The following ATPAF1 variants were observed in gnomAD, a reference collection of about 807,000 sequenced individuals.
ATPAF1 encodes ATP synthase mitochondrial F1 complex assembly factor 1, also known as homolog of yeast ATP11.
ATPAF1 carries 26 observed loss-of-function variants against 43.9 expected under a neutral mutation model. The ratio of observed to expected loss-of-function variants is 0.59; its 90% CI spans 0.43 to 0.82. The LOEUF (loss-of-function observed/expected upper bound fraction) is 0.82. ATPAF1 is among the 40% of genes least tolerant of loss of function. ATPAF1 has a pLI of 0.00. For synonymous variants in ATPAF1, 157 were observed against 168.0 expected, an observed-to-expected ratio of 0.93 and a Z score of 0.50; for missense variants, 366 against 435.0, an observed-to-expected ratio of 0.84 and a Z score of 1.41.
intron 4 of ATPAF1, among the ~76,000 whole-genome samples, chr1:46,656,561 AATTT>A (rs1676277223): frequency 1.3e-5 from 2 of 152,186 alleles, no homozygotes; most frequent in Admixed American, 6.6e-5. Context: ...ATTTTTATTT[AATTT>A]ATGATATTAG....
chr1:46,648,535 C>T (rs999054327), intron 6 of ATPAF1, among the ~76,000 whole-genome samples: 2 of 152,148 alleles, frequency 1.3e-5, no homozygotes, highest in African/African-American at 4.8e-5. Flanking sequence ...ACAACAGGTG[C>T]TTGAAAAATT....
intron 8 of ATPAF1, among the ~76,000 whole-genome samples, chr1:46,638,198 A>T (rs17102355): frequency 0.25 from 38,046 of 152,064 alleles, 5,019 homozygotes; most frequent in East Asian, 0.35. Context: ...TGCTGTTCAA[A>T]CTATTCTGTA....
chr1:46,658,748 TAA>T lies in ATPAF1; in HGVS notation c.376-13_376-12del, dbSNP rs752234468. On this transcript the variant is annotated splice_polypyrimidine_tract_variant and intron_variant, in intron 2 of 8. Coordinates refer to ENST00000574428, the Ensembl canonical transcript of ATPAF1. ...CCCCAAGGCATCTGTCTGAAATATA[TAA>T]GACAAGATATTAATCTACACTTTAC... The T allele has an allele frequency of 6.3e-7, 1 of 1,575,798 alleles. No individual in the cohort carries two copies. The highest frequency in any genetic ancestry group is 8.6e-7 in the Non-Finnish European group (1 of 1,157,872).
chr1:46,662,383 G>A (rs549867985), intron 2 of ATPAF1, among the ~76,000 whole-genome samples: 12 of 151,958 alleles, frequency 7.9e-5, no homozygotes, highest in African/African-American at 2.4e-4. Context: ...CTCACATAAA[G>A]TTGTAAACTC....
In ATPAF1 at chr1:46,648,948, C is replaced by T. The variant is rs143399377; in HGVS notation, c.588+3633G>A. Among the ~76,000 whole-genome samples, 16 of 152,072 alleles carry T rather than the reference C, an allele frequency of 1.1e-4. No individual in the cohort carries two copies. The East Asian group carries it at 3.1e-3, about 29-fold the overall frequency. ...GAGCAGAGATCATGCCACTGCACTA[C>T]AGCCTGGGCAACAGTACAAGACTCT... On this transcript the variant is annotated intron_variant, in intron 6 of 8. Coordinates refer to ENST00000574428, the Ensembl canonical transcript of ATPAF1.
At chr1:46,650,456 AT>A (rs59518986) in intron 6 of ATPAF1, among the ~76,000 whole-genome samples, 39,830 of 152,010 alleles carry the variant, frequency 0.26, 5,515 homozygotes, top group East Asian at 0.38. Context: ...TATGGAAAAC[AT>A]TATGAAGTTT....
chr1:46,655,163 C>A (rs1164752488), intron 4 of ATPAF1, among the ~76,000 whole-genome samples: 1 of 152,132 alleles, frequency 6.6e-6, no homozygotes, highest in African/African-American at 2.4e-5. Flanking sequence ...CCCTATGATT[C>A]AATTACCTCC....
intron 4 of ATPAF1, among the ~76,000 whole-genome samples, chr1:46,654,514 AATTT>A (rs1012671005): frequency 3.5e-4 from 44 of 124,154 alleles, no homozygotes; most frequent in African/African-American, 1.1e-3. Context: ...GAGACTGGGC[AATTT>A]ATTTATTTAT....
intron 2 of ATPAF1, 89 bp downstream of exon 2, chr1:46,665,167 T>A (rs1215553022): frequency 9.4e-6 from 12 of 1,279,584 alleles, no homozygotes; most frequent in Middle Eastern, 2.0e-4. Flanking sequence ...AGCTGACCCA[T>A]CAATAAACCA....
rs2476157 is a variant in ATPAF1 at position 46,657,891 on chromosome 1, C to T, written c.489+236G>A. On this transcript the variant is annotated intron_variant, in intron 4 of 8. Transcript: ENST00000574428. ...GTACAGAGTACTGATGAGGGTTACA[C>T]GAGATGTGGATTATGGGAATGAAAA... Among the ~76,000 whole-genome samples the T allele has an allele frequency of 2.0e-4, 31 of 151,988 alleles. No homozygotes were observed. The East Asian group carries it at 5.0e-3, about 25-fold the overall frequency.
At chr1:46,659,734 CCTGGGATTCTGAGG>C (rs1676350568) in intron 2 of ATPAF1, among the ~76,000 whole-genome samples, 2 of 152,160 alleles carry the variant, frequency 1.3e-5, no homozygotes, top group Non-Finnish European at 2.9e-5. Flanking sequence ...ACATTCGACA[CCTGGGATTCTGAGG>C]CTGAAAAACA....
At chr1:46,647,581 T>A (rs963341556) in intron 6 of ATPAF1, among the ~76,000 whole-genome samples, 1 of 152,236 alleles carries the variant, frequency 6.6e-6, no homozygotes, top group Admixed American at 6.5e-5. Flanking sequence ...TTGCATTGTT[T>A]CCAGCATTGG....
At chr1:46,655,651 T>C (rs796915425) in intron 4 of ATPAF1, among the ~76,000 whole-genome samples, 1 of 152,164 alleles carries the variant, frequency 6.6e-6, no homozygotes, top group African/African-American at 2.4e-5. Flanking sequence ...TGTGTTCTTA[T>C]TTTTTACTAC....
intron 8 of ATPAF1, among the ~76,000 whole-genome samples, chr1:46,642,801 A>T (rs1018979280): frequency 9.9e-5 from 15 of 152,114 alleles, no homozygotes; most frequent in African/African-American, 3.6e-4. Flanking sequence ...ATATTATGTG[A>T]CTCCCCATAC....
chr1:46,649,130 C>T (rs1205041128), intron 6 of ATPAF1, among the ~76,000 whole-genome samples: 3 of 147,816 alleles, frequency 2.0e-5, no homozygotes, highest in Non-Finnish European at 3.0e-5. Context: ...CTACATTGCA[C>T]CCTGGGTGAC....
intron 6 of ATPAF1, among the ~76,000 whole-genome samples, chr1:46,647,045 C>T (rs1676056300): frequency 6.6e-6 from 1 of 152,180 alleles, no homozygotes; most frequent in African/African-American, 2.4e-5. Flanking sequence ...TGCTAGTCCA[C>T]CGTGTGACTT....
chr1:46,647,404 G>A (rs1221091354), intron 6 of ATPAF1, among the ~76,000 whole-genome samples: 3 of 152,094 alleles, frequency 2.0e-5, no homozygotes, highest in Non-Finnish European at 2.9e-5. Context: ...GGGTCGTTTT[G>A]CACATATGGC....
At chr1:46,641,235 C>T (rs914502786) in intron 8 of ATPAF1, among the ~76,000 whole-genome samples, 16 of 149,974 alleles carry the variant, frequency 1.1e-4, no homozygotes, top group East Asian at 1.9e-4. Context: ...CATGCCACCA[C>T]GCCTGGCTAA....
chr1:46,659,559 T>C (rs1444128080), intron 2 of ATPAF1, among the ~76,000 whole-genome samples: 1 of 152,146 alleles, frequency 6.6e-6, no homozygotes, highest in African/African-American at 2.4e-5. Context: ...TCTATCAAAT[T>C]AGACACCCTT....
Sources: gnomAD v4.1 joint callset for allele counts (sites outside exome capture counted in the v4.1 genomes callset) on GRCh38, gnomAD v4.1.1 for gene constraint, MANE v1.5 for transcripts, NCBI Gene and HGNC (gene_info 2026-07-23, HGNC 2026-07-21) for gene names.